Variants in KANSL1L observed in about 807,000 individuals in gnomAD.
KANSL1L encodes KAT8 regulatory NSL complex subunit 1-like protein.
KANSL1L carries 25 observed loss-of-function variants against 108.6 expected under a neutral mutation model. That is an observed-to-expected ratio of 0.23 (90% CI 0.17 to 0.32). The LOEUF (loss-of-function observed/expected upper bound fraction) is 0.32. Ranked by LOEUF, KANSL1L falls within the 10% of genes least tolerant of loss-of-function variation. The pLI is 1.00. For missense variants in KANSL1L, 1,137 were observed against 1,125.7 expected, an observed-to-expected ratio of 1.01 and a Z score of -0.14; for synonymous variants, 405 against 395.1, an observed-to-expected ratio of 1.03 and a Z score of -0.30.
chr2:210,078,306 A>G (rs988577829), intron 5 of KANSL1L, among the ~76,000 whole-genome samples: 4 of 152,184 alleles, frequency 2.6e-5, no homozygotes, highest in Admixed American at 6.5e-5. Flanking sequence ...TTGACTAGAA[A>G]CATCATTATG....
At chr2:210,042,147 G>C (rs778728213) in intron 7 of KANSL1L, among the ~76,000 whole-genome samples, 3 of 152,030 alleles carry the variant, frequency 2.0e-5, no homozygotes, top group Non-Finnish European at 4.4e-5. Flanking sequence ...GTCCTTGTTC[G>C]GTCTATGTGC....
chr2:210,079,103 A>G (rs2094562659), intron 5 of KANSL1L, among the ~76,000 whole-genome samples: 1 of 152,182 alleles, frequency 6.6e-6, no homozygotes, highest in African/African-American at 2.4e-5. Flanking sequence ...GGTGTGCACC[A>G]CAACTCCTGC....
intron 5 of KANSL1L, 66 bp from the exon 6 acceptor site, chr2:210,075,822 A>G: frequency 4.2e-6 from 5 of 1,186,986 alleles, no homozygotes; most frequent in Admixed American, 4.4e-5. Context: ...AACAAAAAAG[A>G]CAAAGAAAAC....
intron 3 of KANSL1L, among the ~76,000 whole-genome samples, chr2:210,127,798 CA>C (rs55979027): frequency 0.15 from 4,055 of 27,752 alleles, 26 homozygotes; most frequent in East Asian, 0.33. Context: ...GACTCTGCCT[CA>C]AAAAAAAAAA....
intron 6 of KANSL1L, among the ~76,000 whole-genome samples, chr2:210,046,660 C>T (rs570350074): frequency 6.6e-6 from 1 of 152,250 alleles, no homozygotes; most frequent in South Asian, 2.1e-4. Flanking sequence ...ATCTCCACAG[C>T]TATTGGCTGC....
chr2:210,165,815 T>C (rs1687920902), intron 1 of KANSL1L, among the ~76,000 whole-genome samples: 2 of 152,192 alleles, frequency 1.3e-5, no homozygotes, highest in South Asian at 4.1e-4. Flanking sequence ...TATCAGCTGT[T>C]TCACTTCCAT....
chr2:210,154,546 T>C lies in KANSL1L; in HGVS notation c.37A>G (p.Ile13Val), dbSNP rs776153689. 1.3e-5 allele frequency: 21 copies of C among 1,561,066 alleles called. No individual in the cohort carries two copies. The highest frequency in any genetic ancestry group is 1.9e-5 in the Admixed American group (1 of 51,828). The change falls in exon 2 of 15, where the codon ATC becomes GTC. Residue 13 changes from isoleucine (I) to valine (V), a missense_variant. Coordinates refer to ENST00000281772, the MANE Select transcript of KANSL1L (RefSeq NM_152519.4). ...PALREATAKG[I>V]SFSSLPSTME... ...GTACTTGGCAAAGATGAAAAGCTGA[T>C]ACCCTTTGCTGTTGCCTCCCTCAGA...
At chr2:210,080,811 C>G (rs1337395221) in intron 5 of KANSL1L, among the ~76,000 whole-genome samples, 2 of 151,710 alleles carry the variant, frequency 1.3e-5, no homozygotes, top group African/African-American at 4.8e-5. Context: ...TCCCTTTTTG[C>G]CTTATCTGCT....
intron 2 of KANSL1L, chr2:210,152,897 T>C (rs1043035592): frequency 1.3e-5 from 2 of 152,252 alleles, no homozygotes; most frequent in Admixed American, 1.3e-4. Context: ...TATTCAAGAA[T>C]AGAAAATATG....
At chr2:210,159,456 T>C (rs1022638685) in intron 1 of KANSL1L, among the ~76,000 whole-genome samples, 1 of 152,190 alleles carries the variant, frequency 6.6e-6, no homozygotes, top group African/African-American at 2.4e-5. Context: ...TTCATAGCAC[T>C]ATTGCCACCT....
chr2:210,157,977 T>C (rs2095342903), intron 1 of KANSL1L, among the ~76,000 whole-genome samples: 1 of 152,052 alleles, frequency 6.6e-6, no homozygotes, highest in Non-Finnish European at 1.5e-5. Context: ...AATGCAAAGA[T>C]TAAAAGTGGC....
intron 1 of KANSL1L, 28 bp downstream of exon 1, chr2:210,171,121 T>G (rs1025564830): frequency 6.5e-6 from 1 of 153,118 alleles, no homozygotes. Flanking sequence ...ACCCCCGTCA[T>G]CCCGCCGCTG....
At chr2:210,108,101 T>C (rs997330223) in intron 3 of KANSL1L, among the ~76,000 whole-genome samples, 12 of 152,294 alleles carry the variant, frequency 7.9e-5, no homozygotes, top group African/African-American at 2.9e-4. Context: ...CTCAAGAAGC[T>C]ATAAGAGCAA....
At chr2:210,067,856 T>C (rs752731100) in intron 6 of KANSL1L, among the ~76,000 whole-genome samples, 2 of 152,088 alleles carry the variant, frequency 1.3e-5, no homozygotes, top group Non-Finnish European at 2.9e-5. Flanking sequence ...TCAAGTCTTA[T>C]GCATATTTTT....
In KANSL1L at chr2:210,168,991, G is replaced by C. The variant is rs1400736919; in HGVS notation, c.-30+2158C>G. Among the ~76,000 whole-genome samples, 3 of 152,170 alleles carry C rather than the reference G, an allele frequency of 2.0e-5. No individual in the cohort carries two copies. In the East Asian group the frequency reaches 5.8e-4, roughly 29 times the overall value. On this transcript the variant is annotated intron_variant, in intron 1 of 14. Coordinates refer to ENST00000281772, the MANE Select transcript of KANSL1L (RefSeq NM_152519.4). ...AATAAAAGATACATCACAGATTAGA[G>C]TGAAAAAATTTAAAATGCAAATTAA...
intron 12 of KANSL1L, among the ~76,000 whole-genome samples, chr2:210,025,591 C>G (rs777322464): frequency 6.6e-6 from 1 of 152,104 alleles, no homozygotes; most frequent in Non-Finnish European, 1.5e-5. Context: ...CAAAGAGTTT[C>G]TCATGTAGAA....
chr2:210,109,247 G>C, intron 3 of KANSL1L, among the ~76,000 whole-genome samples: 1 of 152,006 alleles, frequency 6.6e-6, no homozygotes, highest in Non-Finnish European at 1.5e-5. Flanking sequence ...AACGATTATA[G>C]GTTTTATCTC....
chr2:210,100,061 T>C (rs2094778420), intron 4 of KANSL1L, among the ~76,000 whole-genome samples: 2 of 152,304 alleles, frequency 1.3e-5, no homozygotes, highest in Admixed American at 6.5e-5. Flanking sequence ...CATGGCCTGT[T>C]AGAAACCAGG....
chr2:210,026,695 A>C (rs577117413), intron 12 of KANSL1L, among the ~76,000 whole-genome samples: 11 of 152,336 alleles, frequency 7.2e-5, no homozygotes, highest in Admixed American at 2.6e-4. Context: ...AAATATAATT[A>C]ATACTGACAA....
Sources: gnomAD v4.1 joint callset for allele counts (sites outside exome capture counted in the v4.1 genomes callset) on GRCh38, gnomAD v4.1.1 for gene constraint, MANE v1.5 for transcripts, NCBI Gene and HGNC (gene_info 2026-07-23, HGNC 2026-07-21) for gene names.